Variants in ANTXRL observed in about 807,000 individuals in gnomAD.
The protein encoded by ANTXRL is ANTXR like, also known as anthrax toxin receptor-like.
In ANTXRL, 63 loss-of-function variants were observed where a neutral mutation model predicts 75.4. The observed-to-expected ratio is 0.84, with a 90% CI of 0.68 to 1.03. ANTXRL has a LOEUF of 1.03. Among genes scored for constraint, ANTXRL ranks in the 50% least tolerant of loss-of-function variants. The pLI, the probability that ANTXRL is intolerant of heterozygous loss-of-function variation, is 0.00. For missense variants in ANTXRL, 797 were observed against 789.4 expected, an observed-to-expected ratio of 1.01 and a Z score of -0.12; for synonymous variants, 335 against 291.3, an observed-to-expected ratio of 1.15 and a Z score of -1.53.
chr10:46,293,505 A>G (rs1481452037), intron 2 of ANTXRL, among the ~76,000 whole-genome samples: 1 of 79,878 alleles, frequency 1.3e-5, no homozygotes, highest in Non-Finnish European at 2.6e-5. Flanking sequence ...TGGTGTGTGC[A>G]CCTGTGTGTG....
chr10:46,294,063 C>G, intron 3 of ANTXRL, 163 bp downstream of exon 3: 1 of 622,278 alleles, frequency 1.6e-6, no homozygotes, highest in South Asian at 2.0e-5. Flanking sequence ...GCCCCGGCTC[C>G]CCTGCATCCT....
chr10:46,313,806 ATC>A (rs1838570286), intron 16 of ANTXRL, among the ~76,000 whole-genome samples: 1 of 152,162 alleles, frequency 6.6e-6, no homozygotes, highest in Admixed American at 6.5e-5. Context: ...TGCTATTATT[ATC>A]CAGTTTGGTG....
chr10:46,310,472 G>A lies in ANTXRL; in HGVS notation c.1146G>A (p.Glu382=), dbSNP rs781911314. The A allele has an allele frequency of 2.6e-6, 4 of 1,536,236 alleles. No homozygotes were observed. Among genetic ancestry groups the A allele is most frequent in the African/African-American group, 2.7e-5 (2 of 72,976 alleles). ...WRLCRKQTVK[E]PPPVQKPEKE... ...TTTGAACATTCTAGACTGTCAAGGAGCCACCACCTGTGCAGAAGCCAGAAA... is the reference window on the plus strand; with the variant it reads ...TTTGAACATTCTAGACTGTCAAGGAACCACCACCTGTGCAGAAGCCAGAAA... Residue 382 remains glutamate, a synonymous_variant, in exon 14 of 17, where the codon GAG becomes GAA. Coordinates refer to ENST00000620264, the MANE Select transcript of ANTXRL (RefSeq NM_001278688.3).
Position 46,311,545 on chromosome 10 carries a change from ACCGCCT to A in ANTXRL, c.1218_1223del (p.Pro410_Pro411del), listed in dbSNP as rs534633697. 288 of 1,533,540 alleles carry A rather than the reference ACCGCCT, an allele frequency of 1.9e-4. 4 individuals carry two copies. The East Asian group carries it at 5.8e-3, about 31-fold the overall frequency. The allele number at this position is 1,533,540 out of a possible 1,614,324, so 95.0% of individuals were successfully genotyped here. A position where few individuals can be genotyped will look rare whatever the true frequency, so the allele number is the denominator to read the frequency against. On this transcript the variant is annotated inframe_deletion, in exon 15 of 17. Transcript: ENST00000620264. ...AGGAAAAACCACCATCACCACCACC[ACCGCCT>A]CCGCCTCCACCACCTCCACTCCCGC... is the stretch of plus-strand genomic sequence containing the variant.
chr10:46,323,868 G>C (rs1554966018), intron 16 of ANTXRL, among the ~76,000 whole-genome samples: 2 of 152,224 alleles, frequency 1.3e-5, no homozygotes. Flanking sequence ...CATTTCTAGT[G>C]AGCTAAAACA....
In ANTXRL at chr10:46,311,592, C is replaced by T. The variant is rs782169467; in HGVS notation, c.1256C>T (p.Pro419Leu). ...PPPLPPPPPA[P>L]VNTCPTVIIC... ...CCACTCCCGCCTCCGCCCCCAGCTC[C>T]TGTAAACACCTGCCCCACTGTGATT... is the stretch of plus-strand genomic sequence containing the variant. Residue 419 changes from proline (P) to leucine (L), a missense_variant, in exon 15 of 17, where the codon CCT (proline) becomes CTT (leucine). Physicochemically the swap from Pro to Leu is moderately conservative, Grantham distance 98. Coordinates refer to ENST00000620264, the MANE Select transcript of ANTXRL (RefSeq NM_001278688.3). The T allele has an allele frequency of 2.2e-5, 31 of 1,439,770 alleles. No individual in the cohort carries two copies. The highest frequency in any genetic ancestry group is 2.7e-5 in the Non-Finnish European group (29 of 1,058,912). The allele number at this position is 1,439,770 out of a possible 1,614,324, so 89.2% of individuals were successfully genotyped here.
At chr10:46,292,420 A>T (rs1244505945) in intron 2 of ANTXRL, among the ~76,000 whole-genome samples, 1 of 152,040 alleles carries the variant, frequency 6.6e-6, no homozygotes, top group Non-Finnish European at 1.5e-5. Flanking sequence ...GAAACCAGTG[A>T]CTCAGTCCTG....
chr10:46,299,038 C>T (rs1337592645), intron 9 of ANTXRL, among the ~76,000 whole-genome samples: 3 of 151,992 alleles, frequency 2.0e-5, no homozygotes, highest in African/African-American at 7.3e-5. Context: ...GTGTGAGAAG[C>T]TCTCAGGGAA....
intron 16 of ANTXRL, among the ~76,000 whole-genome samples, chr10:46,322,179 C>A (rs564754448): frequency 2.6e-5 from 4 of 152,188 alleles, no homozygotes; most frequent in Admixed American, 2.0e-4. Flanking sequence ...CATACTGATA[C>A]CCCGTTGAGG....
At chr10:46,308,964 T>C (rs1838262025) in intron 12 of ANTXRL, 149 bp from the exon 13 acceptor site, 1 of 1,133,012 alleles carries the variant, frequency 8.8e-7, no homozygotes, top group South Asian at 1.6e-5. Flanking sequence ...TATAGCTCTC[T>C]GGGGCCCAGC....
chr10:46,316,631 T>A (rs1476903417), intron 16 of ANTXRL, among the ~76,000 whole-genome samples: 2 of 152,134 alleles, frequency 1.3e-5, no homozygotes, highest in Admixed American at 1.3e-4. Flanking sequence ...GAGGCTCATG[T>A]CTGAGTCAGG....
At position 46,327,665 on chromosome 10, in the gene ANTXRL, T is replaced by C. The variant is rs533156333; in HGVS notation, c.1411-1934T>C. ...GGGAATCCAGCATTTGAGGCATTTG[T>C]CACTCACATGTCCAAGGGGAGGCTT... On this transcript the variant is annotated intron_variant, in intron 16 of 16. Transcript: ENST00000620264. Among the ~76,000 whole-genome samples, 177 of 151,946 alleles carry C rather than the reference T, an allele frequency of 1.2e-3. 2 individuals are homozygous for C. The highest frequency in any genetic ancestry group is 8.7e-3 in the South Asian group (42 of 4,808).
Position 46,287,297 on chromosome 10 carries a change from T to C in ANTXRL, c.35T>C (p.Leu12Pro). The change falls in exon 1 of 17, where the codon CTG becomes CCG. Residue 12 changes from leucine (L) to proline (P), a missense_variant. This residue lies in a region of ANTXRL where 262 missense variants were observed against 271.9 expected (regional missense o/e 0.96). Transcript: ENST00000620264. ...GSHESLGPYF[L>P]VFLLLLLLPP... The stretch of plus-strand genomic sequence containing the variant: ...CATGAGTCCCTGGGGCCCTACTTCC[T>C]GGTCTTCCTGCTGCTGCTGCTGCTT... 1.3e-6 allele frequency: 2 copies of C among 1,535,922 alleles called. No homozygotes were observed. Among genetic ancestry groups the C allele is most frequent in the Non-Finnish European group, 1.7e-6 (2 of 1,146,730 alleles).
At chr10:46,287,953 G>A (rs1836832029) in intron 1 of ANTXRL, among the ~76,000 whole-genome samples, 1 of 152,210 alleles carries the variant, frequency 6.6e-6, no homozygotes, top group Non-Finnish European at 1.5e-5. Flanking sequence ...GCCTGTGTTG[G>A]GCATTCTAAT....
At chr10:46,310,533 T>C (rs1554963216) in intron 14 of ANTXRL, 34 bp downstream of exon 14, 3 of 1,533,666 alleles carry the variant, frequency 2.0e-6, no homozygotes, top group Non-Finnish European at 2.6e-6. Flanking sequence ...TATTGTCACA[T>C]CCCAAGGAGC....
intron 9 of ANTXRL, among the ~76,000 whole-genome samples, chr10:46,298,879 C>G (rs1215491239): frequency 8.2e-5 from 12 of 146,894 alleles, no homozygotes; most frequent in African/African-American, 3.1e-4. Flanking sequence ...GTGCATGGGT[C>G]GGTGGGAGTG....
intron 16 of ANTXRL, among the ~76,000 whole-genome samples, chr10:46,327,132 G>T (rs1231772959): frequency 6.6e-6 from 1 of 152,134 alleles, no homozygotes; most frequent in African/African-American, 2.4e-5. Context: ...GGAGAGGTGA[G>T]GAGCAGAGCC....
At chr10:46,299,635 C>A (rs577385227) in intron 9 of ANTXRL, among the ~76,000 whole-genome samples, 1 of 152,132 alleles carries the variant, frequency 6.6e-6, no homozygotes, top group Non-Finnish European at 1.5e-5. Context: ...GGTGTCCTGG[C>A]GGTAGGCTGT....
intron 16 of ANTXRL, among the ~76,000 whole-genome samples, chr10:46,323,129 G>A (rs782195679): frequency 2.0e-5 from 3 of 152,066 alleles, no homozygotes; most frequent in Non-Finnish European, 4.4e-5. Context: ...TTACTGACTT[G>A]TCCTTAGCTA....
Sources: allele counts gnomAD v4.1 joint callset (sites outside exome capture counted in the v4.1 genomes callset), GRCh38; gene constraint gnomAD v4.1.1; regional missense constraint gnomAD v4.1.1; transcripts MANE v1.5; gene names NCBI Gene and HGNC (gene_info 2026-07-23, HGNC 2026-07-21).